Variants in FAM184B observed in about 807,000 individuals in gnomAD.
FAM184B encodes the protein family with sequence similarity 184 member B, also known as protein FAM184B.
A neutral mutation model predicts 135.9 loss-of-function variants in FAM184B; 111 were observed. The observed-to-expected ratio is 0.82, with a 90% CI of 0.70 to 0.96. The LOEUF is 0.96. FAM184B is among the 40% of genes least tolerant of loss of function. The probability of loss-of-function intolerance (pLI) is 0.00; values close to 1 mark genes in which losing one functional copy is unlikely to be tolerated. For synonymous variants in FAM184B, 552 were observed against 524.8 expected (o/e 1.05, Z -0.71); for missense variants, 1,375 against 1,323.9 (o/e 1.04, Z -0.60).
chr4:17,781,331 C>T lies in FAM184B; in HGVS notation c.-32G>A. 6.7e-7 allele frequency: 1 copy of T among 1,495,338 alleles called. No homozygotes were observed. Among genetic ancestry groups the T allele is most frequent in the South Asian group, 1.3e-5 (1 of 79,034 alleles). The allele number at this position is 1,495,338 out of a possible 1,614,324, so 92.6% of individuals were successfully genotyped here. A position where few individuals can be genotyped will look rare whatever the true frequency, so the allele number is the denominator to read the frequency against. The stretch of plus-strand genomic sequence containing the variant: ...AACGCGCCCAGCACTCAGACTCTCT[C>T]GTTTTCTCCCTGCCCACCGTGTGCA... On this transcript the variant is annotated 5_prime_UTR_variant, in exon 1 of 18. Coordinates refer to ENST00000265018, the MANE Select transcript of FAM184B (RefSeq NM_015688.2). This position sits in a 1 kb window ranked among gnomAD's most constrained non-coding sequence, Gnocchi z 6.5.
rs752730667 is a variant in FAM184B, at chr4:17,658,609, TG to T, written c.1825-48del. On this transcript the variant is annotated intron_variant, in intron 9 of 17. Transcript: ENST00000265018. Reference sequence around the variant, plus strand: ...CTCAGTCTAAGCCCCTTGCCTTTCCTGGGATGTTTTCTTCAAATAAAAGCTT... The same window carrying T: ...CTCAGTCTAAGCCCCTTGCCTTTCCTGGATGTTTTCTTCAAATAAAAGCTT... 91 of 1,521,234 alleles carry T rather than the reference TG, an allele frequency of 6.0e-5. 1 individual carries two copies. The highest frequency in any genetic ancestry group is 4.3e-4 in the South Asian group (36 of 83,298). 94.2% of individuals were successfully genotyped at this position (1,521,234 alleles called of 1,614,324 possible).
chr4:17,679,371 A>G (rs1716386414), intron 7 of FAM184B, among the ~76,000 whole-genome samples: 1 of 152,238 alleles, frequency 6.6e-6, no homozygotes, highest in Non-Finnish European at 1.5e-5. Context: ...ACATGAATAG[A>G]CAATTCTCAA....
At chr4:17,706,568 A>G (rs1717122059) in intron 3 of FAM184B, among the ~76,000 whole-genome samples, 1 of 152,156 alleles carries the variant, frequency 6.6e-6, no homozygotes, top group South Asian at 2.1e-4. Flanking sequence ...AGAATCATGT[A>G]TTTTTGGATA....
At chr4:17,635,219 G>A in intron 15 of FAM184B, 106 bp from the exon 16 acceptor site, 1 of 836,672 alleles carries the variant, frequency 1.2e-6, no homozygotes, top group East Asian at 2.8e-5. Context: ...AAAGTCCAGG[G>A]GAGGAAGGGG....
intron 17 of FAM184B, 31 bp downstream of exon 17, chr4:17,633,658 T>C: frequency 6.9e-7 from 1 of 1,459,372 alleles, no homozygotes; most frequent in Admixed American, 2.7e-5. Context: ...GGAAATAGAA[T>C]AAGGGCCCCT....
At chr4:17,643,158 C>G (rs1029545598) in intron 12 of FAM184B, among the ~76,000 whole-genome samples, 2 of 152,122 alleles carry the variant, frequency 1.3e-5, no homozygotes, top group African/African-American at 4.8e-5. Context: ...AGGACAGAAA[C>G]AGATGGAAAA....
intron 8 of FAM184B, among the ~76,000 whole-genome samples, chr4:17,662,338 T>A (rs1715937093): frequency 1.1e-5 from 1 of 92,918 alleles, no homozygotes; most frequent in African/African-American, 3.3e-5. Context: ...GGATATATAT[T>A]TTTTTCTTTT....
chr4:17,699,827 G>T (rs1056800884), intron 5 of FAM184B, among the ~76,000 whole-genome samples: 6 of 152,004 alleles, frequency 3.9e-5, no homozygotes, highest in Non-Finnish European at 5.9e-5. Context: ...CTAAAATATG[G>T]TTGTCCGTTT....
At chr4:17,685,344 T>A (rs954907629) in intron 7 of FAM184B, among the ~76,000 whole-genome samples, 1 of 147,494 alleles carries the variant, frequency 6.8e-6, no homozygotes, top group African/African-American at 2.5e-5. Flanking sequence ...AGGTCAGGAG[T>A]TCGAGACTAG....
At chr4:17,737,198 T>A (rs1717931056) in intron 1 of FAM184B, among the ~76,000 whole-genome samples, 1 of 151,778 alleles carries the variant, frequency 6.6e-6, no homozygotes, top group Non-Finnish European at 1.5e-5. Context: ...TCCATGCCAG[T>A]ACCTCAGGAC....
At chr4:17,732,946 T>C (rs1291535044) in intron 1 of FAM184B, among the ~76,000 whole-genome samples, 6 of 152,220 alleles carry the variant, frequency 3.9e-5, no homozygotes, top group African/African-American at 1.4e-4. Context: ...AATAAAATAC[T>C]GGCAAACCGA....
intron 1 of FAM184B, among the ~76,000 whole-genome samples, chr4:17,765,622 A>T (rs1033483954): frequency 9.9e-5 from 15 of 152,256 alleles, no homozygotes; most frequent in Admixed American, 8.5e-4. Flanking sequence ...ATGTGGATAA[A>T]CTTTTCACCC....
Position 17,708,764 on chromosome 4 carries a change from A to T in FAM184B, c.894+128T>A, listed in dbSNP as rs144239586. The T allele has an allele frequency of 3.8e-6, 3 of 793,062 alleles. No individual in the cohort carries two copies. In the African/African-American group the frequency reaches 5.9e-5, roughly 16 times the overall value. The allele number at this position is 793,062 out of a possible 1,614,324, so 49.1% of individuals were successfully genotyped here. On this transcript the variant is annotated intron_variant, in intron 2 of 17. Transcript: ENST00000265018. ...TGTGTAATGAATGTAGGTGAATTCA[A>T]TGGAGATAATAGGGCTCACCTCCGT...
At chr4:17,732,302 A>G (rs1460928764) in intron 1 of FAM184B, among the ~76,000 whole-genome samples, 1 of 152,216 alleles carries the variant, frequency 6.6e-6, no homozygotes, top group Non-Finnish European at 1.5e-5. Context: ...AAACACATTG[A>G]AAAGCTAGCA....
chr4:17,636,215 C>T (rs1715130055), intron 15 of FAM184B, among the ~76,000 whole-genome samples: 1 of 152,126 alleles, frequency 6.6e-6, no homozygotes, highest in Admixed American at 6.6e-5. Context: ...AAGTGATTCT[C>T]CTGCCTCAGC....
intron 1 of FAM184B, among the ~76,000 whole-genome samples, chr4:17,777,445 G>A (rs1718949978): frequency 6.6e-6 from 1 of 151,980 alleles, no homozygotes; most frequent in Non-Finnish European, 1.5e-5. Flanking sequence ...AATTAAAACA[G>A]GTGAATTTTA....
chr4:17,744,282 T>C (rs1201517525), intron 1 of FAM184B, among the ~76,000 whole-genome samples: 3 of 151,972 alleles, frequency 2.0e-5, no homozygotes, highest in Non-Finnish European at 4.4e-5. Context: ...GAAGGTGCAA[T>C]AGACCAGGGG....
intron 7 of FAM184B, among the ~76,000 whole-genome samples, chr4:17,688,186 T>TC (rs1716635064): frequency 6.6e-6 from 1 of 152,160 alleles, no homozygotes; most frequent in South Asian, 2.1e-4. Context: ...GAGCGGAGAC[T>TC]CATCTGACAG....
chr4:17,672,511 G>T (rs553026937), intron 7 of FAM184B, among the ~76,000 whole-genome samples: 114 of 151,996 alleles, frequency 7.5e-4, no homozygotes, highest in Non-Finnish European at 1.3e-3. Context: ...GTAGAATGTG[G>T]GTTTGTCATA....
Sources: allele counts gnomAD v4.1 joint callset (sites outside exome capture counted in the v4.1 genomes callset), GRCh38; gene constraint gnomAD v4.1.1; non-coding constraint Gnocchi (gnomAD v3.1); transcripts MANE v1.5; gene names NCBI Gene and HGNC (gene_info 2026-07-23, HGNC 2026-07-21).